The following TMF1 variants were observed in gnomAD, a reference collection of about 807,000 sequenced individuals.
TMF1 encodes TATA element modulatory factor.
Under a neutral mutation model 126.5 loss-of-function variants are expected in TMF1, and 71 were observed. The ratio of observed to expected loss-of-function variants is 0.56; its 90% confidence interval spans 0.46 to 0.68. The LOEUF is 0.68. Ranked by LOEUF, TMF1 falls within the 30% of genes least tolerant of loss-of-function variation. TMF1 has a pLI of 0.00. For missense variants in TMF1, 1,259 were observed against 1,253.2 expected (o/e 1.00, Z -0.07); for synonymous variants, 461 against 430.5 (o/e 1.07, Z -0.88).
rs763044568 is a variant in TMF1 at position 69,043,919 on chromosome 3, T to C, written c.1452-43A>G. 9 of 1,537,244 alleles carry C rather than the reference T, an allele frequency of 5.9e-6. No individual in the cohort carries two copies. In the African/African-American group the frequency reaches 1.2e-4, roughly 21 times the overall value. On this transcript the variant is annotated intron_variant, in intron 3 of 16. Transcript: ENST00000398559. ...TTTGAGAATGAGGATGGTGTCTATA[T>C]ATCCCAAAGGTATACATGAGTTCAA... is the stretch of plus-strand genomic sequence containing the variant.
At chr3:69,029,126 C>A (rs1305369193) in intron 11 of TMF1, among the ~76,000 whole-genome samples, 1 of 151,994 alleles carries the variant, frequency 6.6e-6, no homozygotes, top group African/African-American at 2.4e-5. Context: ...CTCTGCCTCC[C>A]AGGTTCAAGC....
chr3:69,038,804 T>A (rs1445896731), intron 7 of TMF1, 39 bp downstream of exon 7: 18 of 1,585,766 alleles, frequency 1.1e-5, no homozygotes, highest in East Asian at 9.0e-5. Flanking sequence ...ACTCTGATAA[T>A]TCATTCTAAA....
chr3:69,038,659 G>C lies in TMF1; in HGVS notation c.2056C>G (p.Leu686Val), dbSNP rs756792533. 2.5e-6 allele frequency: 4 copies of C among 1,614,200 alleles called. No homozygotes were observed. The highest frequency in any genetic ancestry group is 3.4e-6 in the Non-Finnish European group (4 of 1,180,040). Residue 686 changes from leucine (L) to valine (V), a missense_variant, in exon 8 of 17, where the codon CTG (leucine) becomes GTG (valine). Leu to Val is a conservative substitution (Grantham distance 32). Coordinates refer to ENST00000398559, the MANE Select transcript of TMF1 (RefSeq NM_007114.3). Reference protein sequence around the residue: ...AKDSEAQEAALSREMKAKEEL... With the variant: ...AKDSEAQEAAVSREMKAKEEL... ...TCTTTAGCTTTCATTTCACGGCTCA[G>C]AGCAGCTTCCTGTGCCTCACTATCC... is the stretch of plus-strand genomic sequence containing the variant.
In TMF1 at chr3:69,024,132, G is replaced by C. The variant is rs751800184; in HGVS notation, c.3061C>G (p.Leu1021Val). 6.2e-7 allele frequency: 1 copy of C among 1,609,730 alleles called. No individual in the cohort carries two copies. Among genetic ancestry groups the C allele is most frequent in the East Asian group, 2.2e-5 (1 of 44,584 alleles). Residue 1021 changes from leucine to valine, a missense_variant, in exon 16 of 17, where the codon CTA (leucine) becomes GTA (valine). Coordinates refer to ENST00000398559, the MANE Select transcript of TMF1 (RefSeq NM_007114.3). ...EKTRSIMAEE[L>V]VKLTNQNDEL... is the part of the protein sequence containing the mutation. ...TCATTTTGATTTGTTAATTTAACTA[G>C]TTCTTCAGCCATTATTGATCGAGTT...
Position 69,052,328 on chromosome 3 carries a change from A to C in TMF1, c.-242T>G. The C allele has an allele frequency of 8.8e-6, 3 of 342,484 alleles. No homozygotes were observed. Among genetic ancestry groups the C allele is most frequent in the Non-Finnish European group, 5.4e-6 (1 of 186,060 alleles). 21.2% of individuals were successfully genotyped at this position (342,484 alleles called of 1,614,324 possible). ...CTTCTTCCACGTACACAGCAACCAA[A>C]TCTACGAGCCCAGAGTTCGGTCGAC... On this transcript the variant is annotated 5_prime_UTR_variant, in exon 1 of 17. Coordinates refer to ENST00000398559, the MANE Select transcript of TMF1 (RefSeq NM_007114.3).
chr3:69,039,989 G>A (rs1234647174), intron 5 of TMF1, among the ~76,000 whole-genome samples: 1 of 152,108 alleles, frequency 6.6e-6, no homozygotes, highest in Admixed American at 6.5e-5. Flanking sequence ...TTCAGTTTTG[G>A]CATCACCAAT....
Position 69,047,357 on chromosome 3 carries a change from C to A in TMF1, c.1347+1G>T. 6.3e-7 allele frequency: 1 copy of A among 1,575,442 alleles called. No homozygotes were observed. The highest frequency in any genetic ancestry group is 1.2e-5 in the South Asian group (1 of 85,760). On this transcript the variant is annotated splice_donor_variant, in intron 2 of 16. Coordinates refer to ENST00000398559, the MANE Select transcript of TMF1 (RefSeq NM_007114.3). LOFTEE classifies it high-confidence loss of function. ...AAATCCCTTCCACTTACTAGAGTTA[C>A]CTTGCAAACATCTTCCTTCTCAGAA...
rs1207959455 is a variant in TMF1, at chr3:69,020,612, T to G, written c.*2565A>C. On this transcript the variant is annotated 3_prime_UTR_variant, in exon 17 of 17. Coordinates refer to ENST00000398559, the MANE Select transcript of TMF1 (RefSeq NM_007114.3). ...GATGTTTTAATGACAAACAGCAAAG[T>G]ATAGCAACGAATATTCAATAGGTAT... 6.6e-6 allele frequency: 1 copy of G among 152,164 alleles called. No individual in the cohort carries two copies. The highest frequency in any genetic ancestry group is 1.5e-5 in the Non-Finnish European group (1 of 67,998). The allele number at this position is 152,164 out of a possible 1,614,324, so 9.4% of individuals were successfully genotyped here. A position where few individuals can be genotyped will look rare whatever the true frequency, so the allele number is the denominator to read the frequency against.
intron 8 of TMF1, among the ~76,000 whole-genome samples, chr3:69,036,576 C>G (rs2091832624): frequency 6.6e-6 from 1 of 151,980 alleles, no homozygotes; most frequent in Admixed American, 6.6e-5. Context: ...AAAAGATAAG[C>G]CAAACTCTAA....
chr3:69,027,033 T>C lies in TMF1; in HGVS notation c.2757+867A>G, dbSNP rs182646805. On this transcript the variant is annotated intron_variant, in intron 13 of 16. Coordinates refer to ENST00000398559, the MANE Select transcript of TMF1 (RefSeq NM_007114.3). ...TTTTTTGAGAAAGAGTCTCGATCTG[T>C]TGCCCAGGCTGGAATGCAGTGATGC... Among the ~76,000 whole-genome samples the C allele has an allele frequency of 1.4e-4, 22 of 152,306 alleles. No homozygotes were observed. In the East Asian group the frequency reaches 4.1e-3, roughly 28 times the overall value.
In TMF1 at chr3:69,051,935, T is replaced by C; in HGVS notation, c.142+10A>G. ...CCGGGAGCCAGGAACCCCGCTCCTC[T>C]CTCTCTTACCCGGCTCTCCATACGG... On this transcript the variant is annotated intron_variant, in intron 1 of 16. Coordinates refer to ENST00000398559, the MANE Select transcript of TMF1 (RefSeq NM_007114.3). 1 of 1,611,446 alleles carries C rather than the reference T, an allele frequency of 6.2e-7. No individual in the cohort carries two copies. The highest frequency in any genetic ancestry group is 1.1e-5 in the South Asian group (1 of 90,864).
chr3:69,038,332 T>A (rs1317028389), intron 8 of TMF1, among the ~76,000 whole-genome samples: 1 of 152,180 alleles, frequency 6.6e-6, no homozygotes, highest in Non-Finnish European at 1.5e-5. Context: ...CTAGCTTTTA[T>A]AATACTCTCA....
At chr3:69,028,951 T>A (rs571951367) in intron 11 of TMF1, among the ~76,000 whole-genome samples, 1 of 151,808 alleles carries the variant, frequency 6.6e-6, no homozygotes, top group South Asian at 2.1e-4. Context: ...GAAAAAAAAA[T>A]AAATACAAAA....
intron 8 of TMF1, among the ~76,000 whole-genome samples, chr3:69,037,458 GGT>G (rs1160205407): frequency 6.6e-6 from 1 of 151,972 alleles, no homozygotes; most frequent in Non-Finnish European, 1.5e-5. Context: ...TGGCCAACAT[GGT>G]GAAGCCTCGT....
chr3:69,025,968 T>A, intron 14 of TMF1, 28 bp downstream of exon 14: 1 of 1,531,972 alleles, frequency 6.5e-7, no homozygotes, highest in Non-Finnish European at 9.0e-7. Flanking sequence ...TTCTAAGAAC[T>A]AAGCACATAT....
intron 2 of TMF1, among the ~76,000 whole-genome samples, chr3:69,045,423 C>A (rs2091890236): frequency 6.6e-6 from 1 of 151,702 alleles, no homozygotes. Flanking sequence ...CTGCAATGAT[C>A]TTGCACTCCA....
At chr3:69,037,749 T>C (rs1169965727) in intron 8 of TMF1, among the ~76,000 whole-genome samples, 1 of 151,970 alleles carries the variant, frequency 6.6e-6, no homozygotes, top group Non-Finnish European at 1.5e-5. Context: ...GAGGTTGCAG[T>C]GAGCTGAGAT....
In TMF1 at chr3:69,024,256, A is replaced by C. The variant is rs550491242; in HGVS notation, c.3013-76T>G. On this transcript the variant is annotated intron_variant, in intron 15 of 16. Coordinates refer to ENST00000398559, the MANE Select transcript of TMF1 (RefSeq NM_007114.3). ...TACTCCCAGTAATATAAAAATATTT[A>C]ATGTGTGTGTGGTTTTTTTTTTTTT... 1,997 of 1,289,154 alleles carry C rather than the reference A, an allele frequency of 1.5e-3. 6 individuals are homozygous for C. The highest frequency in any genetic ancestry group is 0.015 in the Middle Eastern group (76 of 4,958). The allele number at this position is 1,289,154 out of a possible 1,614,324, so 79.9% of individuals were successfully genotyped here. A position where few individuals can be genotyped will look rare whatever the true frequency, so the allele number is the denominator to read the frequency against.
chr3:69,048,627 T>C, intron 1 of TMF1, 65 bp from the exon 2 acceptor site: 2 of 1,350,274 alleles, frequency 1.5e-6, no homozygotes, highest in East Asian at 2.6e-5. Flanking sequence ...TCAATCATCA[T>C]TATAAATCAG....
Sources: gnomAD v4.1 joint callset for allele counts (sites outside exome capture counted in the v4.1 genomes callset) on GRCh38, gnomAD v4.1.1 for gene constraint, MANE v1.5 for transcripts, NCBI Gene and HGNC (gene_info 2026-07-23, HGNC 2026-07-21) for gene names.